Variants in SECISBP2 observed in about 807,000 individuals in gnomAD.
The protein encoded by SECISBP2 is selenocysteine insertion sequence-binding protein 2.
A neutral mutation model predicts 98.2 loss-of-function variants in SECISBP2; 96 were observed. The observed-to-expected ratio is 0.98, with a 90% CI of 0.83 to 1.16. SECISBP2 has a LOEUF of 1.16. Ranked by LOEUF, SECISBP2 falls within the 50% of genes most tolerant of loss-of-function variation. The pLI, the probability that SECISBP2 is intolerant of heterozygous loss-of-function variation, is 0.00. For synonymous variants in SECISBP2, 407 were observed against 370.2 expected (o/e 1.10, Z -1.14); for missense variants, 1,046 against 1,022.9 (o/e 1.02, Z -0.31).
chr9:89,361,985 G>A (rs1274532237), downstream of SECISBP2: 2 of 279,592 alleles, frequency 7.2e-6, no homozygotes, highest in East Asian at 7.2e-5. Flanking sequence ...TGGCTATTAG[G>A]GGGTGGGGGC....
chr9:89,334,780 G>A (rs1828349745), intron 7 of SECISBP2, 50 bp downstream of exon 7: 8 of 1,346,350 alleles, frequency 5.9e-6, no homozygotes, highest in Non-Finnish European at 8.5e-6. Flanking sequence ...CAGGGGCTCA[G>A]TAGAGTGGGG....
rs147863180 is a variant in SECISBP2, at chr9:89,335,070, C to T, written c.1089+340C>T. On this transcript the variant is annotated intron_variant, in intron 7 of 16. Transcript: ENST00000375807. ...TCTACTAAGAAATACAAACAAATTA[C>T]CTGGGCATGGTGGCGGGTGCCTGTA... Among the ~76,000 whole-genome samples, 1,209 of 151,902 alleles carry T rather than the reference C, an allele frequency of 8.0e-3. 17 individuals are homozygous for T. The highest frequency in any genetic ancestry group is 0.028 in the African/African-American group (1,141 of 41,440).
chr9:89,325,529 T>G lies in SECISBP2; in HGVS notation c.285T>G (p.Tyr95Ter). 1 of 1,613,940 alleles carries G rather than the reference T, an allele frequency of 6.2e-7. No individual in the cohort carries two copies. The highest frequency in any genetic ancestry group is 1.7e-5 in the Admixed American group (1 of 60,010). Residue 95 changes from tyrosine (Y) to a stop codon, truncating the protein, a stop_gained, in exon 3 of 17, where the codon TAT (tyrosine) becomes TAG (stop). Coordinates refer to ENST00000375807, the MANE Select transcript of SECISBP2 (RefSeq NM_024077.5). LOFTEE classifies it high-confidence loss of function. ...TTCATCCATATGCCTATTCTCCTTA[T>G]ACCCTTGACTCCACACAGAATGTTT... ...ITLHPYAYSP[Y>*]TLDSTQNVYS... is the part of the protein sequence containing the mutation.
At chr9:89,363,738 T>C (rs1254814662), downstream of SECISBP2, 3 of 1,611,546 alleles carry the variant, frequency 1.9e-6, no homozygotes, top group African/African-American at 4.0e-5. Flanking sequence ...GGGAATCACT[T>C]ACCAGGTCTC....
At chr9:89,349,961 G>A (rs753544595) in intron 13 of SECISBP2, 32 bp downstream of exon 13, 2 of 1,613,054 alleles carry the variant, frequency 1.2e-6, no homozygotes, top group Non-Finnish European at 8.5e-7. Context: ...AGGGACTAGG[G>A]GAAGATGGAA....
intron 1 of SECISBP2, 81 bp from the exon 2 acceptor site, chr9:89,319,571 A>G: frequency 6.6e-7 from 1 of 1,509,894 alleles, no homozygotes. Flanking sequence ...GGCTATTAGG[A>G]ACACCTCTTG....
At chr9:89,363,973 CCT>C (rs746296838), downstream of SECISBP2, 30 of 1,614,012 alleles carry the variant, frequency 1.9e-5, no homozygotes, top group African/African-American at 3.9e-4. Context: ...ACCGTTTCCA[CCT>C]CTGAGTCCAC....
At chr9:89,362,521 G>C, downstream of SECISBP2, 1 of 1,606,984 alleles carries the variant, frequency 6.2e-7, no homozygotes, top group East Asian at 2.2e-5. Context: ...ATCCCAGGCA[G>C]AGCACTCAAG....
intron 7 of SECISBP2, among the ~76,000 whole-genome samples, chr9:89,336,962 C>T (rs1295671378): frequency 1.3e-5 from 2 of 151,702 alleles, no homozygotes; most frequent in Non-Finnish European, 2.9e-5. Flanking sequence ...TTAGTAGAGA[C>T]GGGGTTTCAC....
chr9:89,350,335 C>G (rs909698097), intron 13 of SECISBP2, among the ~76,000 whole-genome samples: 31 of 152,212 alleles, frequency 2.0e-4, no homozygotes, highest in Admixed American at 2.0e-3. Context: ...CGGTATTTGT[C>G]TTTATGACAG....
chr9:89,325,312 G>GC, intron 2 of SECISBP2, 115 bp from the exon 3 acceptor site: 1 of 958,214 alleles, frequency 1.0e-6, no homozygotes, highest in Admixed American at 2.1e-5. Context: ...TTATTCCAGT[G>GC]CTAGAGTGAA....
downstream of SECISBP2, chr9:89,363,762 G>A (rs1433791313): frequency 2.5e-6 from 4 of 1,613,058 alleles, no homozygotes; most frequent in South Asian, 1.1e-5. Context: ...ACAGCAACCT[G>A]CACCTTCGAA....
rs746476311 is a variant in SECISBP2 at position 89,332,935 on chromosome 9, A to G, written c.829A>G (p.Asn277Asp). 28 of 1,613,948 alleles carry G rather than the reference A, an allele frequency of 1.7e-5. No homozygotes were observed. Among genetic ancestry groups the G allele is most frequent in the South Asian group, 7.7e-5 (7 of 91,078 alleles). Residue 277 changes from asparagine (N) to aspartate (D), a missense_variant, in exon 6 of 17, where the codon AAT becomes GAT. By Grantham distance (23) the Asn-to-Asp change is conservative. Transcript: ENST00000375807. Reference sequence around the variant, plus strand: ...TGAAATAGTGGTGAAAAATAACCCAAATGAATCTGTAACTGCTAATGCCGC... The same window carrying G: ...TGAAATAGTGGTGAAAAATAACCCAGATGAATCTGTAACTGCTAATGCCGC... The part of the protein sequence containing the change: ...KGEIVVKNNP[N>D]ESVTANAATN...
intron 4 of SECISBP2, among the ~76,000 whole-genome samples, chr9:89,327,843 C>A (rs1377220932): frequency 6.7e-6 from 1 of 149,372 alleles, no homozygotes; most frequent in East Asian, 2.0e-4. Flanking sequence ...CAGAGTCTCA[C>A]TGTGTTACAC....
chr9:89,347,095 T>G (rs775044558), intron 11 of SECISBP2, 47 bp downstream of exon 11: 2 of 1,583,368 alleles, frequency 1.3e-6, no homozygotes, highest in South Asian at 2.2e-5. Context: ...AAACTTAGTC[T>G]CACATTTCCA....
rs1460961032 is a variant in SECISBP2 at position 89,338,472 on chromosome 9, A to C, written c.1104A>C (p.Gln368His). 6.2e-7 allele frequency: 1 copy of C among 1,613,658 alleles called. No homozygotes were observed. Among genetic ancestry groups the C allele is most frequent in the East Asian group, 2.2e-5 (1 of 44,836 alleles). Reference protein sequence around the residue: ...IHPTQKSKASQGSDLEQNEAS... With the variant: ...IHPTQKSKASHGSDLEQNEAS... ...TTCTGTTCTAGTCTAAAGCATCACA[A>C]GGTAGTGACCTTGAACAAAATGAAG... Residue 368 changes from glutamine to histidine, a missense_variant, in exon 8 of 17, where the codon CAA becomes CAC. Gln to His is a conservative substitution (Grantham distance 24). Coordinates refer to ENST00000375807, the MANE Select transcript of SECISBP2 (RefSeq NM_024077.5).
intron 2 of SECISBP2, chr9:89,323,943 CTCCTGGATGAAAATT>C (rs956817318): frequency 1.3e-5 from 2 of 152,346 alleles, no homozygotes; most frequent in African/African-American, 4.8e-5. Flanking sequence ...GGTCTCCTGA[CTCCTGGATGAAAATT>C]TCCTGGATGA....
At chr9:89,342,944 T>C (rs1477435919) in intron 10 of SECISBP2, among the ~76,000 whole-genome samples, 6 of 152,218 alleles carry the variant, frequency 3.9e-5, no homozygotes, top group Non-Finnish European at 8.8e-5. Flanking sequence ...ATTAAAACAT[T>C]TTTAAGTTAT....
downstream of SECISBP2, chr9:89,363,965 C>T (rs147013702): frequency 8.4e-5 from 135 of 1,614,016 alleles, no homozygotes; most frequent in East Asian, 1.5e-3. Flanking sequence ...GGACACAGAC[C>T]GTTTCCACCT....
Sources: gnomAD v4.1 joint callset for allele counts (sites outside exome capture counted in the v4.1 genomes callset) on GRCh38, gnomAD v4.1.1 for gene constraint, MANE v1.5 for transcripts, NCBI Gene and HGNC (gene_info 2026-07-23, HGNC 2026-07-21) for gene names.